Variants in ANO6 observed in about 807,000 individuals in gnomAD.
The protein encoded by ANO6 is anoctamin-6.
Under a neutral mutation model 117.5 loss-of-function variants are expected in ANO6, and 106 were observed. The observed-to-expected ratio is 0.90, with a 90% CI of 0.77 to 1.06. ANO6 has a LOEUF of 1.06. Ranked by LOEUF, ANO6 falls within the 50% of genes least tolerant of loss-of-function variation. The pLI, the probability that ANO6 is intolerant of heterozygous loss-of-function variation, is 0.00. For synonymous variants in ANO6, 367 were observed against 385.1 expected, an observed-to-expected ratio of 0.95 and a Z score of 0.55; for missense variants, 955 against 1,121.1, an observed-to-expected ratio of 0.85 and a Z score of 2.12.
intron 3 of ANO6, among the ~76,000 whole-genome samples, chr12:45,334,885 A>G (rs1249695168): frequency 6.6e-6 from 1 of 152,036 alleles, no homozygotes; most frequent in African/African-American, 2.4e-5. Context: ...GCTTTCTTCC[A>G]GAACTGCTAA....
intron 1 of ANO6, among the ~76,000 whole-genome samples, chr12:45,225,199 A>AC (rs1406504911): frequency 6.6e-6 from 1 of 151,984 alleles, no homozygotes; most frequent in African/African-American, 2.4e-5. Context: ...AAAAAAAAAA[A>AC]AAACTCACGA....
chr12:45,380,010 G>A (rs1488942986), intron 10 of ANO6, among the ~76,000 whole-genome samples: 7 of 152,202 alleles, frequency 4.6e-5, no homozygotes, highest in East Asian at 1.9e-4. Flanking sequence ...AGCCTCTTGT[G>A]AAGTTATTCA....
intron 7 of ANO6, among the ~76,000 whole-genome samples, chr12:45,352,168 A>G (rs2137459444): frequency 1.3e-5 from 2 of 152,270 alleles, no homozygotes; most frequent in East Asian, 3.9e-4. Flanking sequence ...GAGAGTTTTA[A>G]ACAAATGAAT....
chr12:45,318,202 C>T (rs971757191), intron 2 of ANO6, among the ~76,000 whole-genome samples: 38 of 152,228 alleles, frequency 2.5e-4, no homozygotes, highest in Admixed American at 1.3e-3. Flanking sequence ...CCTGCCCATG[C>T]CTATGTCCTG....
At chr12:45,302,510 T>A (rs534264716) in intron 2 of ANO6, among the ~76,000 whole-genome samples, 32 of 152,338 alleles carry the variant, frequency 2.1e-4, no homozygotes, top group African/African-American at 7.0e-4. Context: ...CCTTTCATCC[T>A]GGAGCTTTCA....
chr12:45,282,036 T>A (rs1938755249), intron 1 of ANO6, among the ~76,000 whole-genome samples: 1 of 152,046 alleles, frequency 6.6e-6, no homozygotes. Context: ...AGTGAATGTT[T>A]GGCTGTGGGG....
intron 11 of ANO6, among the ~76,000 whole-genome samples, chr12:45,390,172 C>T (rs1942403984): frequency 6.6e-6 from 1 of 152,134 alleles, no homozygotes; most frequent in Non-Finnish European, 1.5e-5. Context: ...TTCCTGAGCT[C>T]GGGTCGTGGC....
chr12:45,401,456 C>T (rs550339790), intron 12 of ANO6, among the ~76,000 whole-genome samples: 2 of 152,222 alleles, frequency 1.3e-5, no homozygotes, highest in East Asian at 3.9e-4. Flanking sequence ...TTTATGCTGT[C>T]TGAAGATACT....
At chr12:45,356,758 C>T (rs559661060) in intron 7 of ANO6, among the ~76,000 whole-genome samples, 20 of 152,042 alleles carry the variant, frequency 1.3e-4, no homozygotes, top group African/African-American at 4.8e-4. Context: ...GAGAGGCAGG[C>T]ACACTAGGTT....
chr12:45,355,728 TC>T (rs1941394729), intron 7 of ANO6, among the ~76,000 whole-genome samples: 1 of 152,160 alleles, frequency 6.6e-6, no homozygotes, highest in African/African-American at 2.4e-5. Context: ...TCTCAGCTCT[TC>T]CTTTTTTCCC....
Position 45,423,028 on chromosome 12 carries a change from T to C in ANO6, c.2492T>C (p.Ile831Thr), listed in dbSNP as rs1025162474. Residue 831 changes from isoleucine (I) to threonine (T), a missense_variant, in exon 19 of 20, where the codon ATT becomes ACT. By Grantham distance (89) the Ile-to-Thr change is moderately conservative. Coordinates refer to ENST00000320560, the MANE Select transcript of ANO6 (RefSeq NM_001025356.3). ...CACAACATCTACTATTGGCATGTGA[T>C]TGCAGCCAAGCTGGCTTTTATCATT... ...YKHNIYYWHV[I>T]AAKLAFIIVM... The C allele has an allele frequency of 2.5e-6, 4 of 1,613,972 alleles. No individual in the cohort carries two copies. The African/African-American group carries it at 5.3e-5, about 22-fold the overall frequency.
At chr12:45,286,340 G>T (rs770928437) in intron 1 of ANO6, among the ~76,000 whole-genome samples, 1 of 152,068 alleles carries the variant, frequency 6.6e-6, no homozygotes, top group Non-Finnish European at 1.5e-5. Flanking sequence ...GTTATATTTG[G>T]CCTAAAATAA....
intron 19 of ANO6, among the ~76,000 whole-genome samples, chr12:45,424,334 T>TTTG (rs1943442864): frequency 8.2e-6 from 1 of 121,758 alleles, no homozygotes; most frequent in African/African-American, 3.1e-5. Flanking sequence ...TGGGTTTTTT[T>TTTG]TTTTTTTTTT....
intron 7 of ANO6, among the ~76,000 whole-genome samples, chr12:45,355,201 T>C (rs1234480304): frequency 6.6e-6 from 1 of 152,112 alleles, no homozygotes; most frequent in East Asian, 1.9e-4. Flanking sequence ...TTAAATTGAT[T>C]TTAAGAGTTG....
Position 45,374,768 on chromosome 12 carries a change from G to A in ANO6, c.1105-3285G>A, listed in dbSNP as rs1941954938. Among the ~76,000 whole-genome samples the A allele has an allele frequency of 2.0e-5, 3 of 151,600 alleles. No individual in the cohort carries two copies. The South Asian group carries it at 6.3e-4, about 32-fold the overall frequency. On this transcript the variant is annotated intron_variant, in intron 9 of 19. Transcript: ENST00000320560. Reference sequence around the variant, plus strand: ...TATCATACTGAATGGGCAAAAACTGGAAGCATTCCCTTTGAAAACTGACAC... The same window carrying A: ...TATCATACTGAATGGGCAAAAACTGAAAGCATTCCCTTTGAAAACTGACAC...
chr12:45,312,353 GT>G (rs1939876807), intron 2 of ANO6, among the ~76,000 whole-genome samples: 1 of 152,074 alleles, frequency 6.6e-6, no homozygotes, highest in Non-Finnish European at 1.5e-5. Flanking sequence ...CAGCATGGAT[GT>G]AAAATGTTGT....
rs1263701513 is a variant in ANO6, at chr12:45,375,771, A to T, written c.1105-2282A>T. Among the ~76,000 whole-genome samples the T allele has an allele frequency of 7.2e-3, 981 of 135,460 alleles. 7 individuals are homozygous for T. The highest frequency in any genetic ancestry group is 0.022 in the African/African-American group (838 of 37,704). The allele number at this position is 135,460 out of a possible 152,430, so 88.9% of individuals were successfully genotyped here. On this transcript the variant is annotated intron_variant, in intron 9 of 19. Coordinates refer to ENST00000320560, the MANE Select transcript of ANO6 (RefSeq NM_001025356.3). ...AAAACCCTAGAAGAAAACCTAGGCA[A>T]TACCATTCAGGACATAGGCATGGGC...
intron 2 of ANO6, among the ~76,000 whole-genome samples, chr12:45,318,101 T>C (rs1483574684): frequency 6.6e-6 from 1 of 152,252 alleles, no homozygotes. Context: ...GTAATTTCTT[T>C]TGCTGTGCAG....
At chr12:45,420,817 G>A (rs1283036568) in intron 17 of ANO6, among the ~76,000 whole-genome samples, 7 of 138,710 alleles carry the variant, frequency 5.0e-5, no homozygotes, top group Non-Finnish European at 9.1e-5. Flanking sequence ...TCGAGACCAG[G>A]AGTTCAAGAC....
Sources: gnomAD v4.1 joint callset for allele counts (sites outside exome capture counted in the v4.1 genomes callset) on GRCh38, gnomAD v4.1.1 for gene constraint, MANE v1.5 for transcripts, NCBI Gene and HGNC (gene_info 2026-07-23, HGNC 2026-07-21) for gene names.